COL11A2: variants seen among roughly 807,000 people sequenced by gnomAD.
COL11A2 encodes the protein collagen type XI alpha 2 chain.
A neutral mutation model predicts 273.4 loss-of-function variants in COL11A2; 116 were observed. That is an observed-to-expected ratio of 0.42 (90% CI 0.36 to 0.49). The LOEUF is 0.49. COL11A2 is among the 20% of genes least tolerant of loss of function. The probability of loss-of-function intolerance (pLI) is 0.00; values close to 1 mark genes in which losing one functional copy is unlikely to be tolerated. For missense variants in COL11A2, 1,866 were observed against 2,309.0 expected, an observed-to-expected ratio of 0.81 and a Z score of 3.93; for synonymous variants, 782 against 864.2, an observed-to-expected ratio of 0.90 and a Z score of 1.67.
In COL11A2 at chr6:33,166,112, A is replaced by C; in HGVS notation, c.4428+59T>G. On this transcript the variant is annotated intron_variant, in intron 61 of 65. Transcript: ENST00000341947. The surrounding 1 kb of genome is among the most constrained non-coding windows in gnomAD (Gnocchi z 4.8). ...TGGGGGGAGTCTATTTGTCCTGGAG[A>C]GACATCATCAAGTCCAGAGGGGGTG... 2 of 1,604,852 alleles carry C rather than the reference A, an allele frequency of 1.2e-6. No individual in the cohort carries two copies. The highest frequency in any genetic ancestry group is 1.1e-5 in the South Asian group (1 of 89,744).
Position 33,169,788 on chromosome 6 carries a change from G to T in COL11A2, c.3690+43C>A. ...GAAAAGTGGAGGCAGGGTTGAGGCG[G>T]GTGACGGGGACTGGGGAGTAAGGCC... On this transcript the variant is annotated intron_variant, in intron 50 of 65. Transcript: ENST00000341947. The surrounding 1 kb of genome is among the most constrained non-coding windows in gnomAD (Gnocchi z 5.5). The T allele has an allele frequency of 6.2e-7, 1 of 1,612,374 alleles. No individual in the cohort carries two copies. The highest frequency in any genetic ancestry group is 8.5e-7 in the Non-Finnish European group (1 of 1,178,446).
At chr6:33,185,559 G>A (rs773665861) in intron 6 of COL11A2, 142 bp downstream of exon 6, 1 of 466,304 alleles carries the variant, frequency 2.1e-6, no homozygotes, top group Non-Finnish European at 4.3e-6. Context: ...ACAGGGAGGG[G>A]GCAGGAACTA....
chr6:33,186,717 G>T lies in COL11A2; in HGVS notation c.708C>A (p.Pro236=). 1 of 1,613,998 alleles carries T rather than the reference G, an allele frequency of 6.2e-7. No homozygotes were observed. The highest frequency in any genetic ancestry group is 8.5e-7 in the Non-Finnish European group (1 of 1,180,010). The change falls in exon 5 of 66, where the codon CCC becomes CCA. Residue 236 remains proline, a synonymous_variant. Transcript: ENST00000341947. ...LECEGGQRER[P]QNQQPHRAQR... Reference sequence around the variant, plus strand: ...GGGCTCTGTGAGGCTGTTGGTTTTGGGGTCTTTCCCTCTGGCCCCCCTCGC... The same window carrying T: ...GGGCTCTGTGAGGCTGTTGGTTTTGTGGTCTTTCCCTCTGGCCCCCCTCGC...
chr6:33,172,733 A>T, intron 38 of COL11A2, 96 bp from the exon 39 acceptor site: 1 of 1,071,156 alleles, frequency 9.3e-7, no homozygotes, highest in Non-Finnish European at 1.4e-6. Flanking sequence ...CTCCTTCAGA[A>T]CCCCTTTATC....
At position 33,180,248 on chromosome 6, in the gene COL11A2, G is replaced by A. The variant is rs1771541666; in HGVS notation, c.1359+10C>T. 6.2e-7 allele frequency: 1 copy of A among 1,612,320 alleles called. No individual in the cohort carries two copies. On this transcript the variant is annotated intron_variant, in intron 12 of 65. Coordinates refer to ENST00000341947, the MANE Select transcript of COL11A2 (RefSeq NM_080680.3). ...CATCAGCATGTTCCAAAACCCAAGA[G>A]ACAACTCACTGGGAGCATGAGAGAT...
chr6:33,186,463 T>C, intron 5 of COL11A2, 164 bp downstream of exon 5: 1 of 1,460,360 alleles, frequency 6.8e-7, no homozygotes, highest in Non-Finnish European at 9.0e-7. Flanking sequence ...AACAACTCTT[T>C]TTATTTTTAG....
chr6:33,166,972 G>A lies in COL11A2; in HGVS notation c.4230+98C>T, dbSNP rs527405404. On this transcript the variant is annotated intron_variant, in intron 58 of 65. Transcript: ENST00000341947. The surrounding 1 kb of genome is among the most constrained non-coding windows in gnomAD (Gnocchi z 4.8). ...CAGGGACTCCCTGGGACTGGCTGCC[G>A]GAGGCCTGAAGCAGAGCAGTGGGCA... 11 of 1,566,016 alleles carry A rather than the reference G, an allele frequency of 7.0e-6. No homozygotes were observed. The highest frequency in any genetic ancestry group is 5.7e-5 in the South Asian group (5 of 88,484).
chr6:33,186,803 G>A lies in COL11A2; in HGVS notation c.622C>T (p.Leu208=), dbSNP rs200272494. 126 of 1,614,050 alleles carry A rather than the reference G, an allele frequency of 7.8e-5. No homozygotes were observed. Among genetic ancestry groups the A allele is most frequent in the Non-Finnish European group, 1.0e-4 (120 of 1,180,046 alleles). ...EEVFEGDVQE[L]AIVPGVQAAY... Reference sequence around the variant, plus strand: ...GCCTGGACCCCTGGGACAATGGCCAGCTCCTGGACATCACCCTGCAAAGAC... The same window carrying A: ...GCCTGGACCCCTGGGACAATGGCCAACTCCTGGACATCACCCTGCAAAGAC... The change falls in exon 5 of 66, where the codon CTG becomes TTG. Residue 208 remains leucine, a synonymous_variant. Transcript: ENST00000341947.
Position 33,176,987 on chromosome 6 carries a change from C to G in COL11A2, c.2070+5G>C. Reference sequence around the variant, plus strand: ...AACTGGATTCGGAAGTGGGGTCCCACTCACCGGGGGTCCGTCTGAGCCAGG... The same window carrying G: ...AACTGGATTCGGAAGTGGGGTCCCAGTCACCGGGGGTCCGTCTGAGCCAGG... On this transcript the variant is annotated splice_donor_5th_base_variant and intron_variant, in intron 25 of 65. Transcript: ENST00000341947. This position sits in a 1 kb window ranked among gnomAD's most constrained non-coding sequence, Gnocchi z 4.9. 6.2e-7 allele frequency: 1 copy of G among 1,610,348 alleles called. No homozygotes were observed. Among genetic ancestry groups the G allele is most frequent in the Non-Finnish European group, 8.5e-7 (1 of 1,178,692 alleles).
Position 33,176,606 on chromosome 6 carries a change from A to T in COL11A2, c.2115+115T>A. 1.4e-6 allele frequency: 2 copies of T among 1,390,378 alleles called. No homozygotes were observed. The highest frequency in any genetic ancestry group is 1.2e-5 in the South Asian group (1 of 83,748). 86.1% of individuals were successfully genotyped at this position (1,390,378 alleles called of 1,614,324 possible). On this transcript the variant is annotated intron_variant, in intron 26 of 65. Coordinates refer to ENST00000341947, the MANE Select transcript of COL11A2 (RefSeq NM_080680.3). The surrounding 1 kb of genome is among the most constrained non-coding windows in gnomAD (Gnocchi z 4.9). ...TCTGGGTAGGGTTACGGGGCACAGG[A>T]ATTGAGAATGTGGCAGAGCCATATG...
chr6:33,171,414 T>A, intron 43 of COL11A2, 53 bp downstream of exon 43: 1 of 1,609,070 alleles, frequency 6.2e-7, no homozygotes, highest in Non-Finnish European at 8.5e-7. Flanking sequence ...CATGCCCAGG[T>A]CAGCCATCTC....
chr6:33,187,289 AC>A (rs1279948111), intron 4 of COL11A2, among the ~76,000 whole-genome samples: 1 of 152,074 alleles, frequency 6.6e-6, no homozygotes, highest in Admixed American at 6.5e-5. Flanking sequence ...AGTGGGGAGA[AC>A]CCATTCCTGA....
At position 33,177,794 on chromosome 6, in the gene COL11A2, C is replaced by T. The variant is rs906226750; in HGVS notation, c.1873-88G>A. 26 of 1,431,544 alleles carry T rather than the reference C, an allele frequency of 1.8e-5. No homozygotes were observed. The highest frequency in any genetic ancestry group is 2.8e-5 in the African/African-American group (2 of 70,998). The allele number at this position is 1,431,544 out of a possible 1,614,324, so 88.7% of individuals were successfully genotyped here. The stretch of plus-strand genomic sequence containing the variant: ...GGCCCGGCCATTCCCGAGGGTGTGA[C>T]GGTCAGACCTCCAATCCATCCCAAA... On this transcript the variant is annotated intron_variant, in intron 21 of 65. Coordinates refer to ENST00000341947, the MANE Select transcript of COL11A2 (RefSeq NM_080680.3). This position sits in a 1 kb window ranked among gnomAD's most constrained non-coding sequence, Gnocchi z 5.9.
rs578036146 is a variant in COL11A2 at position 33,171,399 on chromosome 6, G to A, written c.3258+68C>T. 3.7e-6 allele frequency: 6 copies of A among 1,607,486 alleles called. No individual in the cohort carries two copies. The South Asian group carries it at 5.5e-5, about 15-fold the overall frequency. On this transcript the variant is annotated intron_variant, in intron 43 of 65. Coordinates refer to ENST00000341947, the MANE Select transcript of COL11A2 (RefSeq NM_080680.3). ...GGGAAGGATGACATGACAGGGGCCA[G>A]GGGTCATGCCCAGGTCAGCCATCTC...
intron 8 of COL11A2, among the ~76,000 whole-genome samples, chr6:33,182,446 G>C (rs960910424): frequency 6.6e-6 from 1 of 151,182 alleles, no homozygotes; most frequent in Non-Finnish European, 1.5e-5. Flanking sequence ...GCACGGTGGC[G>C]CACGCCTGTA....
At position 33,178,006 on chromosome 6, in the gene COL11A2, AGGGG is replaced by A; in HGVS notation, c.1872+122_1872+125del. 9.6e-7 allele frequency: 1 copy of A among 1,043,338 alleles called. No individual in the cohort carries two copies. Among genetic ancestry groups the A allele is most frequent in the Non-Finnish European group, 1.4e-6 (1 of 697,380 alleles). 64.6% of individuals were successfully genotyped at this position (1,043,338 alleles called of 1,614,324 possible). On this transcript the variant is annotated intron_variant, in intron 21 of 65. Transcript: ENST00000341947. The surrounding 1 kb of genome is among the most constrained non-coding windows in gnomAD (Gnocchi z 4.6). Reference sequence around the variant, plus strand: ...AGGCAGGGCAGTGTGGGGCCAGAGCAGGGGGAGCTCACAGGGAATGGGAAGCATG... The same window carrying A: ...AGGCAGGGCAGTGTGGGGCCAGAGCAGAGCTCACAGGGAATGGGAAGCATG...
At position 33,176,133 on chromosome 6, in the gene COL11A2, C is replaced by A. The variant is rs1484054878; in HGVS notation, c.2215-64G>T. 2.5e-6 allele frequency: 4 copies of A among 1,609,984 alleles called. No individual in the cohort carries two copies. Among genetic ancestry groups the A allele is most frequent in the Non-Finnish European group, 2.5e-6 (3 of 1,177,394 alleles). Reference sequence around the variant, plus strand: ...GAGGGCTGGGGTTCTAATGGGAATTCTGAGAACATAGGTGGAAGCAGGGGC... The same window carrying A: ...GAGGGCTGGGGTTCTAATGGGAATTATGAGAACATAGGTGGAAGCAGGGGC... On this transcript the variant is annotated intron_variant, in intron 28 of 65. Coordinates refer to ENST00000341947, the MANE Select transcript of COL11A2 (RefSeq NM_080680.3). The surrounding 1 kb of genome is among the most constrained non-coding windows in gnomAD (Gnocchi z 4.9).
At chr6:33,188,215 C>A in intron 4 of COL11A2, 147 bp downstream of exon 4, 2 of 973,936 alleles carry the variant, frequency 2.1e-6, no homozygotes, top group Non-Finnish European at 1.6e-6. Context: ...AGAACAGTAG[C>A]CCTGAAGATA....
chr6:33,167,625 G>A lies in COL11A2; in HGVS notation c.4015-92C>T, dbSNP rs928216125. Reference sequence around the variant, plus strand: ...TCCAAGGTGGGAGGCAGGAGGCAGGGAGGAAGGGCCAAACTCTAGGAGCCC... The same window carrying A: ...TCCAAGGTGGGAGGCAGGAGGCAGGAAGGAAGGGCCAAACTCTAGGAGCCC... On this transcript the variant is annotated intron_variant, in intron 55 of 65. Transcript: ENST00000341947. The surrounding 1 kb of genome is among the most constrained non-coding windows in gnomAD (Gnocchi z 6.1). The A allele has an allele frequency of 1.3e-6, 2 of 1,507,300 alleles. No individual in the cohort carries two copies. The highest frequency in any genetic ancestry group is 1.4e-5 in the African/African-American group (1 of 72,688). 93.4% of individuals were successfully genotyped at this position (1,507,300 alleles called of 1,614,324 possible). A position where few individuals can be genotyped will look rare whatever the true frequency, so the allele number is the denominator to read the frequency against.
Sources: gnomAD v4.1 joint callset for allele counts (sites outside exome capture counted in the v4.1 genomes callset) on GRCh38, gnomAD v4.1.1 for gene constraint, Gnocchi (gnomAD v3.1) non-coding constraint, MANE v1.5 for transcripts, NCBI Gene and HGNC (gene_info 2026-07-23, HGNC 2026-07-21) for gene names.